Variants in AGPS observed in about 807,000 individuals in gnomAD.
AGPS encodes the protein alkyldihydroxyacetonephosphate synthase, peroxisomal.
In AGPS, 26 loss-of-function variants were observed where a neutral mutation model predicts 90.7. The observed-to-expected ratio is 0.29, with a 90% CI of 0.21 to 0.40. The LOEUF (loss-of-function observed/expected upper bound fraction) is 0.40. Among genes scored for constraint, AGPS ranks in the 10% least tolerant of loss-of-function variants. The pLI, the probability that AGPS is intolerant of heterozygous loss-of-function variation, is 1.00. For missense variants in AGPS, 540 were observed against 816.1 expected (o/e 0.66, Z 4.12); for synonymous variants, 294 against 285.3 (o/e 1.03, Z -0.31).
chr2:177,486,500 C>T, intron 11 of AGPS, among the ~76,000 whole-genome samples: 1 of 151,772 alleles, frequency 6.6e-6, no homozygotes, highest in East Asian at 1.9e-4. Context: ...CAGTTGATAG[C>T]AGGGGAATTA....
Position 177,481,238 on chromosome 2 carries a change from C to T in AGPS, c.1106-821C>T, listed in dbSNP as rs565871268. ...AATTTACTAATAAAGTTATTAATTT[C>T]TAATATTTGTACATCAGAAACCATT... On this transcript the variant is annotated intron_variant, in intron 10 of 19. Coordinates refer to ENST00000264167, the MANE Select transcript of AGPS (RefSeq NM_003659.4). 1.1e-4 allele frequency among the ~76,000 whole-genome samples: 16 copies of T among 152,098 alleles called. No homozygotes were observed. The East Asian group carries it at 2.5e-3, about 24-fold the overall frequency.
At chr2:177,455,962 C>T (rs1187091197) in intron 8 of AGPS, among the ~76,000 whole-genome samples, 1 of 152,116 alleles carries the variant, frequency 6.6e-6, no homozygotes, top group Middle Eastern at 3.2e-3. Flanking sequence ...CTTCATGGCA[C>T]ATGGTAAATA....
chr2:177,446,438 G>C (rs187570563), intron 8 of AGPS, among the ~76,000 whole-genome samples: 157 of 152,320 alleles, frequency 1.0e-3, no homozygotes, highest in South Asian at 4.6e-3. Context: ...ACCACGCCTG[G>C]CCGACTGTTG....
intron 1 of AGPS, chr2:177,393,446 A>G (rs1250644277): frequency 6.1e-6 from 6 of 985,412 alleles, no homozygotes; most frequent in African/African-American, 1.7e-5. Context: ...GTACTAGATG[A>G]TAGATCATAG....
Position 177,493,157 on chromosome 2 carries a change from C to A in AGPS, c.1243C>A (p.Pro415Thr). 6.2e-7 allele frequency: 1 copy of A among 1,612,796 alleles called. No individual in the cohort carries two copies. The highest frequency in any genetic ancestry group is 1.7e-4 in the Middle Eastern group (1 of 6,014). ...LREIAKQRCA[P>T]ASIRLMDNKQ... ...TTTCTTTTTAAAACAGAGATGTGCT[C>A]CGGCATCTATTCGCCTCATGGACAA... is the stretch of plus-strand genomic sequence containing the variant. The change falls in exon 12 of 20, where the codon CCG becomes ACG. Residue 415 changes from proline (P) to threonine (T), a missense_variant. Around this residue, in one of 2 missense-constraint regions of AGPS, gnomAD observed 405 missense variants for 692.1 expected, o/e 0.59. Transcript: ENST00000264167.
intron 8 of AGPS, among the ~76,000 whole-genome samples, chr2:177,447,365 T>C (rs1686807846): frequency 6.6e-6 from 1 of 152,078 alleles, no homozygotes; most frequent in African/African-American, 2.4e-5. Flanking sequence ...TAAATTAAGG[T>C]TTTATATCAG....
At chr2:177,396,321 G>A (rs146227170) in intron 1 of AGPS, among the ~76,000 whole-genome samples, 6 of 152,240 alleles carry the variant, frequency 3.9e-5, no homozygotes, top group East Asian at 3.9e-4. Flanking sequence ...CAGTCCATTC[G>A]TTCATGCATT....
chr2:177,539,961 C>G lies in AGPS; in HGVS notation c.*1766C>G, dbSNP rs1349724888. 1 of 150,320 alleles carries G rather than the reference C, an allele frequency of 6.7e-6. No individual in the cohort carries two copies. Among genetic ancestry groups the G allele is most frequent in the Admixed American group, 6.6e-5 (1 of 15,048 alleles). 9.3% of individuals were successfully genotyped at this position (150,320 alleles called of 1,614,324 possible). ...AAAATCTCAGCTTTATAAAATGCATCTGTTCACGAAGGTAATTTCTTTAAT... is the reference window on the plus strand; with the variant it reads ...AAAATCTCAGCTTTATAAAATGCATGTGTTCACGAAGGTAATTTCTTTAAT... On this transcript the variant is annotated 3_prime_UTR_variant, in exon 20 of 20. Coordinates refer to ENST00000264167, the MANE Select transcript of AGPS (RefSeq NM_003659.4).
intron 9 of AGPS, among the ~76,000 whole-genome samples, chr2:177,462,611 A>G (rs1037347934): frequency 6.6e-6 from 1 of 152,100 alleles, no homozygotes; most frequent in Non-Finnish European, 1.5e-5. Context: ...TCAGCTCTCT[A>G]TATCCACTGG....
chr2:177,423,476 A>G (rs1348045277), intron 2 of AGPS, among the ~76,000 whole-genome samples: 1 of 152,200 alleles, frequency 6.6e-6, no homozygotes, highest in East Asian at 1.9e-4. Flanking sequence ...ATAACCATAC[A>G]GAAAAGTTGG....
rs138947180 is a variant in AGPS at position 177,434,940 on chromosome 2, G to C, written c.441+523G>C. On this transcript the variant is annotated intron_variant, in intron 3 of 19. Coordinates refer to ENST00000264167, the MANE Select transcript of AGPS (RefSeq NM_003659.4). ...AAGATATGAGTGATTGAGGATTTTA[G>C]TTTGTTCATGTAGTTTCACTTTTCT... Among the ~76,000 whole-genome samples, 65 of 145,792 alleles carry C rather than the reference G, an allele frequency of 4.5e-4. No individual in the cohort carries two copies. In the Middle Eastern group the frequency reaches 0.011, roughly 25 times the overall value.
intron 17 of AGPS, among the ~76,000 whole-genome samples, chr2:177,516,517 C>T (rs1254777639): frequency 6.6e-6 from 1 of 152,048 alleles, no homozygotes; most frequent in Non-Finnish European, 1.5e-5. Context: ...GGTGTTAGAT[C>T]TAAGTCACTT....
At chr2:177,425,127 C>T (rs1041583089) in intron 2 of AGPS, among the ~76,000 whole-genome samples, 3 of 151,968 alleles carry the variant, frequency 2.0e-5, no homozygotes, top group African/African-American at 4.8e-5. Context: ...TTGCTTTTGG[C>T]GTTTTTGTCG....
At chr2:177,393,625 C>G (rs1685086983) in intron 1 of AGPS, 1 of 962,098 alleles carries the variant, frequency 1.0e-6, no homozygotes, top group South Asian at 4.8e-5. Context: ...CAAACACTAG[C>G]TAGTGGTTTA....
At chr2:177,410,391 G>A (rs1348524454) in intron 1 of AGPS, among the ~76,000 whole-genome samples, 2 of 152,140 alleles carry the variant, frequency 1.3e-5, no homozygotes. Context: ...CGGAAGTTAG[G>A]AATTCCCTTT....
chr2:177,462,408 A>G (rs1002728441), intron 9 of AGPS, among the ~76,000 whole-genome samples: 4 of 150,452 alleles, frequency 2.7e-5, no homozygotes, highest in Admixed American at 6.6e-5. Flanking sequence ...AAAAAAAAGA[A>G]AAAAGAAAAA....
intron 14 of AGPS, among the ~76,000 whole-genome samples, chr2:177,502,089 A>G (rs1035674893): frequency 3.9e-5 from 6 of 152,200 alleles, no homozygotes; most frequent in Non-Finnish European, 7.3e-5. Flanking sequence ...CTGCCTTCAG[A>G]TACTGACACT....
intron 15 of AGPS, among the ~76,000 whole-genome samples, chr2:177,506,249 A>G (rs1198775965): frequency 3.3e-5 from 5 of 151,472 alleles, no homozygotes; most frequent in African/African-American, 1.2e-4. Context: ...TCCTGTTTAC[A>G]TAATTTGAAT....
rs1685059309 is a variant in AGPS, at chr2:177,392,886, C to G, written c.97C>G (p.Arg33Gly). Residue 33 changes from arginine to glycine, a missense_variant, in exon 1 of 20, where the codon CGC becomes GGC. By Grantham distance (125) the Arg-to-Gly change is moderately radical. Coordinates refer to ENST00000264167, the MANE Select transcript of AGPS (RefSeq NM_003659.4). ...CCGGGACCGGGACCCGGACCCGGAC[C>G]GCGCCGGGCGGAGGCTGCGGGTTCT... ...ADRDRDPDPD[R>G]AGRRLRVLSG... 4 of 1,550,888 alleles carry G rather than the reference C, an allele frequency of 2.6e-6. No individual in the cohort carries two copies. The highest frequency in any genetic ancestry group is 3.5e-6 in the Non-Finnish European group (4 of 1,148,428).
Sources: gnomAD v4.1 joint callset for allele counts (sites outside exome capture counted in the v4.1 genomes callset) on GRCh38, gnomAD v4.1.1 for gene constraint, gnomAD v4.1.1 regional missense constraint, MANE v1.5 for transcripts, NCBI Gene and HGNC (gene_info 2026-07-23, HGNC 2026-07-21) for gene names.